ASH2L: variants seen among roughly 807,000 people sequenced by gnomAD.
ASH2L encodes the protein set1/Ash2 histone methyltransferase complex subunit ASH2.
Under a neutral mutation model 81.1 loss-of-function variants are expected in ASH2L, and 30 were observed. That is an observed-to-expected ratio of 0.37 (90% CI 0.28 to 0.50). The LOEUF (loss-of-function observed/expected upper bound fraction) is 0.50. Among genes scored for constraint, ASH2L ranks in the 20% least tolerant of loss-of-function variants. The probability of loss-of-function intolerance (pLI) is 0.95; values close to 1 mark genes in which losing one functional copy is unlikely to be tolerated. For missense variants in ASH2L, 559 were observed against 792.1 expected (o/e 0.71, Z 3.53); for synonymous variants, 273 against 279.9 (o/e 0.98, Z 0.24).
chr8:38,137,108 G>A (rs1235046297), intron 14 of ASH2L, among the ~76,000 whole-genome samples: 3 of 148,586 alleles, frequency 2.0e-5, no homozygotes, highest in East Asian at 4.1e-4. Context: ...AAAAAAAAGG[G>A]CGGGGGTGGC....
rs201428852 is a variant in ASH2L at position 38,139,061 on chromosome 8, G to A, written c.1877G>A (p.Trp626Ter). 3 of 1,590,490 alleles carry A rather than the reference G, an allele frequency of 1.9e-6. No individual in the cohort carries two copies. Among genetic ancestry groups the A allele is most frequent in the Non-Finnish European group, 2.6e-6 (3 of 1,167,846 alleles). Reference sequence around the variant, plus strand: ...GTGGATGGGAGGCGCAGTCCCCCATGGGAACCCTGACCAGGTCCCTCTTTT... The same window carrying A: ...GTGGATGGGAGGCGCAGTCCCCCATAGGAACCCTGACCAGGTCCCTCTTTT... ...TEVDGRRSPP[W>*]EP The change falls in exon 16 of 16, where the codon TGG becomes TAG. Residue 626 changes from tryptophan (W) to a stop codon, truncating the protein, a stop_gained. Transcript: ENST00000343823. LOFTEE classifies it high-confidence loss of function.
In ASH2L at chr8:38,126,966, A is replaced by G. The variant is rs556367596; in HGVS notation, c.1166-1325A>G. ...CAAGGAGAGCAGATTGCTTGAGTTC[A>G]GGATTTGAGACCAGCCTGGGCAACT... is the stretch of plus-strand genomic sequence containing the variant. On this transcript the variant is annotated intron_variant, in intron 10 of 15. Transcript: ENST00000343823. Among the ~76,000 whole-genome samples the G allele has an allele frequency of 3.5e-3, 532 of 152,164 alleles. 1 individual carries two copies. Among genetic ancestry groups the G allele is most frequent in the Non-Finnish European group, 5.0e-3 (342 of 67,992 alleles).
intron 5 of ASH2L, among the ~76,000 whole-genome samples, chr8:38,112,859 G>A (rs926658063): frequency 6.6e-6 from 1 of 151,860 alleles, no homozygotes; most frequent in African/African-American, 2.4e-5. Flanking sequence ...TACATTCTTT[G>A]GTTGCAAGTC....
At chr8:38,137,405 A>AAG (rs1802304911) in intron 14 of ASH2L, 1 of 148,052 alleles carries the variant, frequency 6.8e-6, no homozygotes, top group African/African-American at 2.5e-5. Context: ...AAAAAAAAAA[A>AAG]GAAAAAAAAA....
At position 38,114,265 on chromosome 8, in the gene ASH2L, C is replaced by CA; in HGVS notation, c.662dup (p.Asn221LysfsTer2). 6.2e-7 allele frequency: 1 copy of CA among 1,603,870 alleles called. No individual in the cohort carries two copies. Among genetic ancestry groups the CA allele is most frequent in the Non-Finnish European group, 8.5e-7 (1 of 1,174,386 alleles). ...CAGAGACCTGGGAAAATGACTTGGC[C>CA]AAATAACATTGTTAAAACAATGGTA... On this transcript the variant is annotated frameshift_variant, in exon 6 of 16. Transcript: ENST00000343823. LOFTEE classifies it high-confidence loss of function.
At chr8:38,133,053 C>T (rs1180696222) in intron 12 of ASH2L, among the ~76,000 whole-genome samples, 1 of 151,230 alleles carries the variant, frequency 6.6e-6, no homozygotes, top group Non-Finnish European at 1.5e-5. Flanking sequence ...CACCATTGCA[C>T]TCCAGCCTGG....
chr8:38,123,643 A>G (rs1350418342), intron 10 of ASH2L, among the ~76,000 whole-genome samples: 1 of 152,112 alleles, frequency 6.6e-6, no homozygotes, highest in African/African-American at 2.4e-5. Context: ...TGTGTGAAAC[A>G]TTACTATGGT....
intron 7 of ASH2L, among the ~76,000 whole-genome samples, chr8:38,115,575 G>T (rs1233181292): frequency 6.6e-6 from 1 of 152,124 alleles, no homozygotes; most frequent in Admixed American, 6.6e-5. Context: ...GCTGAGGCAG[G>T]AGGATTGCTT....
In ASH2L at chr8:38,126,013, G is replaced by A. The variant is rs141488351; in HGVS notation, c.1166-2278G>A. ...GAGGTCAGGAGTTTGATACCAGCCT[G>A]GTCAACATGGTGAAACCCCATCCCT... On this transcript the variant is annotated intron_variant, in intron 10 of 15. Coordinates refer to ENST00000343823, the MANE Select transcript of ASH2L (RefSeq NM_004674.5). 8.0e-3 allele frequency among the ~76,000 whole-genome samples: 1,221 copies of A among 152,170 alleles called. 7 individuals are homozygous for A. Among genetic ancestry groups the A allele is most frequent in the Non-Finnish European group, 0.013 (901 of 67,994 alleles).
At chr8:38,134,631 G>A (rs1802184326) in intron 13 of ASH2L, among the ~76,000 whole-genome samples, 1 of 152,174 alleles carries the variant, frequency 6.6e-6, no homozygotes, top group Non-Finnish European at 1.5e-5. Flanking sequence ...GAAGTGGGAT[G>A]TAGAGGAAGA....
chr8:38,128,153 C>T, intron 10 of ASH2L, 138 bp from the exon 11 acceptor site: 1 of 1,000,376 alleles, frequency 1.0e-6, no homozygotes, highest in Non-Finnish European at 1.5e-6. Context: ...GATTTTTAAA[C>T]TCCTCAACTA....
At chr8:38,108,255 G>C (rs1052154766) in intron 3 of ASH2L, among the ~76,000 whole-genome samples, 4 of 152,176 alleles carry the variant, frequency 2.6e-5, no homozygotes, top group Admixed American at 2.6e-4. Flanking sequence ...AATTGATCTT[G>C]GTAGCAACAT....
chr8:38,132,139 G>A (rs1362527824), intron 12 of ASH2L, among the ~76,000 whole-genome samples: 68 of 152,042 alleles, frequency 4.5e-4, no homozygotes, highest in Non-Finnish European at 7.4e-5. Context: ...GAGCCACTGC[G>A]CTCGGCCACA....
chr8:38,135,436 G>A (rs1365410618), intron 13 of ASH2L, among the ~76,000 whole-genome samples: 1 of 151,972 alleles, frequency 6.6e-6, no homozygotes, highest in Non-Finnish European at 1.5e-5. Flanking sequence ...GTCACAGAGT[G>A]AGACCCTGTC....
At position 38,128,596 on chromosome 8, in the gene ASH2L, T is replaced by C. The variant is rs566899179; in HGVS notation, c.1333+138T>C. 29 of 1,455,280 alleles carry C rather than the reference T, an allele frequency of 2.0e-5. No homozygotes were observed. The African/African-American group carries it at 3.0e-4, about 15-fold the overall frequency. 90.1% of individuals were successfully genotyped at this position (1,455,280 alleles called of 1,614,324 possible). A position where few individuals can be genotyped will look rare whatever the true frequency, so the allele number is the denominator to read the frequency against. On this transcript the variant is annotated intron_variant, in intron 11 of 15. Coordinates refer to ENST00000343823, the MANE Select transcript of ASH2L (RefSeq NM_004674.5). ...GTTCCTGAGGGTTGAGCTGGTTTGC[T>C]ATTCCCGGGATATTTTTGTAATTCT... is the stretch of plus-strand genomic sequence containing the variant.
intron 10 of ASH2L, among the ~76,000 whole-genome samples, chr8:38,128,045 C>A (rs1395888340): frequency 5.4e-5 from 8 of 148,552 alleles, no homozygotes; most frequent in Admixed American, 6.7e-5. Flanking sequence ...GACTCCATCT[C>A]AAAAAAAAAA....
At chr8:38,119,449 G>T in intron 9 of ASH2L, 86 bp downstream of exon 9, 1 of 1,145,632 alleles carries the variant, frequency 8.7e-7, no homozygotes, top group Non-Finnish European at 1.2e-6. Context: ...AGAGTTCAAG[G>T]GTCGGAGGTT....
chr8:38,109,888 A>T (rs571343347), intron 3 of ASH2L, among the ~76,000 whole-genome samples: 6 of 152,318 alleles, frequency 3.9e-5, no homozygotes, highest in African/African-American at 1.4e-4. Context: ...AAATAAACTT[A>T]ACGAGATACC....
intron 9 of ASH2L, among the ~76,000 whole-genome samples, chr8:38,120,637 G>A (rs907623084): frequency 3.4e-4 from 1 of 2,968 alleles, no homozygotes; most frequent in South Asian, 5.3e-3. Flanking sequence ...CCCCCCCCCC[G>A]CATAATGTAC....
Sources: gnomAD v4.1 joint callset for allele counts (sites outside exome capture counted in the v4.1 genomes callset) on GRCh38, gnomAD v4.1.1 for gene constraint, MANE v1.5 for transcripts, NCBI Gene and HGNC (gene_info 2026-07-23, HGNC 2026-07-21) for gene names.